Variants in RALGAPA2 observed in about 807,000 individuals in gnomAD.
The protein encoded by RALGAPA2 is Ral GTPase activating protein catalytic subunit alpha 2.
In RALGAPA2, 139 loss-of-function variants were observed where a neutral mutation model predicts 230.4. The ratio of observed to expected loss-of-function variants is 0.60; its 90% CI spans 0.53 to 0.69. The LOEUF is 0.69. RALGAPA2 is among the 30% of genes least tolerant of loss of function. The pLI is 0.00. For synonymous variants in RALGAPA2, 847 were observed against 837.8 expected (o/e 1.01, Z -0.19); for missense variants, 2,163 against 2,276.0 (o/e 0.95, Z 1.01).
In RALGAPA2 at chr20:20,615,996, A is replaced by G. The variant is rs1310468359; in HGVS notation, c.1688+47T>C. On this transcript the variant is annotated intron_variant, in intron 13 of 39. Coordinates refer to ENST00000202677, the MANE Select transcript of RALGAPA2 (RefSeq NM_020343.4). ...CTTAACATTTTAATTATGTTGAAAA[A>G]CAGAAACATCTGTTTTACAATACTA... The G allele has an allele frequency of 3.1e-6, 4 of 1,307,600 alleles. No individual in the cohort carries two copies. The African/African-American group carries it at 6.1e-5, about 20-fold the overall frequency. 81.0% of individuals were successfully genotyped at this position (1,307,600 alleles called of 1,614,324 possible).
At chr20:20,595,974 C>A (rs1033173397) in intron 16 of RALGAPA2, among the ~76,000 whole-genome samples, 25 of 151,596 alleles carry the variant, frequency 1.6e-4, no homozygotes, top group African/African-American at 5.6e-4. Flanking sequence ...AAACAAAAAA[C>A]AAACAAACAA....
intron 36 of RALGAPA2, among the ~76,000 whole-genome samples, chr20:20,494,003 A>G (rs1374064467): frequency 6.6e-6 from 1 of 152,202 alleles, no homozygotes; most frequent in Non-Finnish European, 1.5e-5. Context: ...AATAATAAGC[A>G]TGTTAAACTT....
intron 1 of RALGAPA2, among the ~76,000 whole-genome samples, chr20:20,688,474 G>A (rs892894092): frequency 6.6e-5 from 10 of 152,216 alleles, no homozygotes; most frequent in African/African-American, 2.2e-4. Context: ...AAGATGCGGT[G>A]TGACAAGCCC....
chr20:20,591,139 T>A (rs2065276933), intron 17 of RALGAPA2, 38 bp downstream of exon 17: 1 of 1,594,242 alleles, frequency 6.3e-7, no homozygotes, highest in Admixed American at 1.7e-5. Flanking sequence ...TCTGCCAGAA[T>A]CTATAGTTCT....
Position 20,511,341 on chromosome 20 carries a change from G to A in RALGAPA2, c.4857-16C>T. The A allele has an allele frequency of 6.5e-7, 1 of 1,538,454 alleles. No homozygotes were observed. The highest frequency in any genetic ancestry group is 8.7e-7 in the Non-Finnish European group (1 of 1,144,722). On this transcript the variant is annotated splice_polypyrimidine_tract_variant and intron_variant, in intron 32 of 39. Transcript: ENST00000202677. ...AAAATTCTTCCTATAAAGAAAAAAG[G>A]ATGGAAGAAAAACCATGTGATTACA...
chr20:20,620,679 A>C, intron 10 of RALGAPA2, 49 bp from the exon 11 acceptor site: 7 of 1,462,648 alleles, frequency 4.8e-6, no homozygotes, highest in Non-Finnish European at 6.5e-6. Flanking sequence ...CACTCAGATC[A>C]GTATAGGGCA....
intron 18 of RALGAPA2, 32 bp from the exon 19 acceptor site, chr20:20,584,987 C>A: frequency 6.6e-7 from 1 of 1,519,718 alleles, no homozygotes; most frequent in Non-Finnish European, 9.0e-7. Flanking sequence ...GCATTTACTA[C>A]AGGAAAGTTT....
At chr20:20,432,072 C>G (rs564548566) in intron 37 of RALGAPA2, among the ~76,000 whole-genome samples, 1 of 152,232 alleles carries the variant, frequency 6.6e-6, no homozygotes, top group Admixed American at 6.5e-5. Context: ...TTTAAAGAAG[C>G]AGTTGGTGCG....
In RALGAPA2 at chr20:20,484,183, A is replaced by G. The variant is rs767327782; in HGVS notation, c.5367+10934T>C. ...CTGCTAAGATATTGTACCAAAAGAC[A>G]GTAATTTTCCCGTTGGGAAAAACAA... On this transcript the variant is annotated intron_variant, in intron 36 of 39. Coordinates refer to ENST00000202677, the MANE Select transcript of RALGAPA2 (RefSeq NM_020343.4). Among the ~76,000 whole-genome samples, 8 of 152,382 alleles carry G rather than the reference A, an allele frequency of 5.2e-5. No individual in the cohort carries two copies. The South Asian group carries it at 8.3e-4, about 16-fold the overall frequency.
chr20:20,645,923 C>G (rs1037674480), intron 4 of RALGAPA2, among the ~76,000 whole-genome samples: 1 of 151,366 alleles, frequency 6.6e-6, no homozygotes, highest in Non-Finnish European at 1.5e-5. Context: ...GACAGGGCAT[C>G]AGCTATTCTC....
intron 23 of RALGAPA2, among the ~76,000 whole-genome samples, chr20:20,548,684 G>A (rs2063840056): frequency 6.6e-6 from 1 of 152,200 alleles, no homozygotes; most frequent in African/African-American, 2.4e-5. Flanking sequence ...AAGGGACCGA[G>A]CAGATGGATG....
intron 35 of RALGAPA2, among the ~76,000 whole-genome samples, chr20:20,502,508 T>A (rs1278395393): frequency 1.3e-5 from 2 of 152,192 alleles, no homozygotes; most frequent in Non-Finnish European, 2.9e-5. Flanking sequence ...TCTCACTTAA[T>A]AGATGAAAAA....
chr20:20,432,467 C>A (rs2060521762), intron 37 of RALGAPA2, among the ~76,000 whole-genome samples: 1 of 152,154 alleles, frequency 6.6e-6, no homozygotes, highest in Non-Finnish European at 1.5e-5. Flanking sequence ...ACTTAATGAG[C>A]TTTTGGATTT....
intron 36 of RALGAPA2, among the ~76,000 whole-genome samples, chr20:20,492,998 G>A (rs1319771223): frequency 3.3e-5 from 5 of 152,200 alleles, no homozygotes; most frequent in Admixed American, 6.5e-5. Flanking sequence ...ATGCTAAATC[G>A]GTTAATGTTA....
chr20:20,609,923 T>C lies in RALGAPA2; in HGVS notation c.1800+1392A>G, dbSNP rs147529108. On this transcript the variant is annotated intron_variant, in intron 14 of 39. Coordinates refer to ENST00000202677, the MANE Select transcript of RALGAPA2 (RefSeq NM_020343.4). ...GGCAAGGCAATCAGAGTAAAAGCAA[T>C]TGTAATATTCAGGAGGCCAATTATT... is the stretch of plus-strand genomic sequence containing the variant. Among the ~76,000 whole-genome samples, 5 of 152,312 alleles carry C rather than the reference T, an allele frequency of 3.3e-5. No individual in the cohort carries two copies. In the East Asian group the frequency reaches 5.8e-4, roughly 18 times the overall value.
rs999423625 is a variant in RALGAPA2, at chr20:20,390,428, A to G, written c.*2861T>C. 5.9e-5 allele frequency: 9 copies of G among 152,238 alleles called. No individual in the cohort carries two copies. The highest frequency in any genetic ancestry group is 2.2e-4 in the African/African-American group (9 of 41,472). 9.4% of individuals were successfully genotyped at this position (152,238 alleles called of 1,614,324 possible). A position where few individuals can be genotyped will look rare whatever the true frequency, so the allele number is the denominator to read the frequency against. On this transcript the variant is annotated 3_prime_UTR_variant, in exon 40 of 40. Transcript: ENST00000202677. ...ACGAAAGCCTAAGTACAATGAGACGATAAACATCAGCTTTGCTCTGGATGG... is the reference window on the plus strand; with the variant it reads ...ACGAAAGCCTAAGTACAATGAGACGGTAAACATCAGCTTTGCTCTGGATGG...
Position 20,513,297 on chromosome 20 carries a change from G to A in RALGAPA2, c.4085-13C>T. On this transcript the variant is annotated splice_polypyrimidine_tract_variant and intron_variant, in intron 31 of 39. Transcript: ENST00000202677. ...CTTCTCTTCTTCTCTGTAAACAGCG[G>A]TAAAGAAACATAAAGAGTCAGTGGT... 7.3e-7 allele frequency: 1 copy of A among 1,375,924 alleles called. No individual in the cohort carries two copies. Among genetic ancestry groups the A allele is most frequent in the South Asian group, 2.0e-5 (1 of 49,826 alleles). The allele number at this position is 1,375,924 out of a possible 1,614,324, so 85.2% of individuals were successfully genotyped here.
chr20:20,431,636 TG>T (rs2122969299), intron 37 of RALGAPA2, among the ~76,000 whole-genome samples: 1 of 152,292 alleles, frequency 6.6e-6, no homozygotes, highest in East Asian at 1.9e-4. Context: ...AAATTAAGCA[TG>T]GTGACTGTAG....
chr20:20,542,366 G>A lies in RALGAPA2; in HGVS notation c.3285+4338C>T, dbSNP rs199644802. Among the ~76,000 whole-genome samples the A allele has an allele frequency of 9.6e-4, 146 of 152,200 alleles. No homozygotes were observed. The Middle Eastern group carries it at 0.024, about 25-fold the overall frequency. ...AATTTATAGATTCAATGCTATTCCC[G>A]TCAAGCTACCATTGACTTTCCTCAC... On this transcript the variant is annotated intron_variant, in intron 24 of 39. Transcript: ENST00000202677.
Sources: allele counts gnomAD v4.1 joint callset (sites outside exome capture counted in the v4.1 genomes callset), GRCh38; gene constraint gnomAD v4.1.1; transcripts MANE v1.5; gene names NCBI Gene and HGNC (gene_info 2026-07-23, HGNC 2026-07-21).